SLX4IP: variants seen among roughly 807,000 people sequenced by gnomAD.
The protein encoded by SLX4IP is SLX4 interacting protein, also known as protein SLX4IP.
A neutral mutation model predicts 32.9 loss-of-function variants in SLX4IP; 34 were observed. That is an observed-to-expected ratio of 1.03 (90% CI 0.79 to 1.38). The LOEUF is 1.38. Ranked by LOEUF, SLX4IP falls within the 40% of genes most tolerant of loss-of-function variation. The probability of loss-of-function intolerance (pLI) is 0.00; values close to 1 mark genes in which losing one functional copy is unlikely to be tolerated. For synonymous variants in SLX4IP, 172 were observed against 171.7 expected, an observed-to-expected ratio of 1.00 and a Z score of -0.01; for missense variants, 444 against 479.0, an observed-to-expected ratio of 0.93 and a Z score of 0.68.
At chr20:10,451,336 T>A (rs1393353047) in intron 1 of SLX4IP, among the ~76,000 whole-genome samples, 1 of 151,980 alleles carries the variant, frequency 6.6e-6, no homozygotes, top group African/African-American at 2.4e-5. Flanking sequence ...AACTTTTGTA[T>A]TTTTAGTAGA....
Position 10,625,707 on chromosome 20 carries a change from A to T in SLX4IP, c.*2328A>T, listed in dbSNP as rs1158131125. The T allele has an allele frequency of 1.3e-5, 2 of 152,146 alleles. No homozygotes were observed. Among genetic ancestry groups the T allele is most frequent in the Non-Finnish European group, 2.9e-5 (2 of 68,028 alleles). 9.4% of individuals were successfully genotyped at this position (152,146 alleles called of 1,614,324 possible). On this transcript the variant is annotated 3_prime_UTR_variant, in exon 8 of 8. Transcript: ENST00000334534. ...AAATAGCACCTTTGGTTGTAGATAG[A>T]TGTAGTTTTCCTCACAGCCCTCACG...
chr20:10,541,781 A>C (rs1441466493), intron 2 of SLX4IP, among the ~76,000 whole-genome samples: 2 of 152,162 alleles, frequency 1.3e-5, no homozygotes, highest in African/African-American at 4.8e-5. Flanking sequence ...TTTCTTTTTG[A>C]ATTTAATCAT....
At chr20:10,543,532 G>A (rs1600983546) in intron 2 of SLX4IP, among the ~76,000 whole-genome samples, 1 of 152,198 alleles carries the variant, frequency 6.6e-6, no homozygotes, top group Admixed American at 6.5e-5. Context: ...ACTGAGCCCT[G>A]GACTCTCTAG....
intron 4 of SLX4IP, among the ~76,000 whole-genome samples, chr20:10,593,998 T>C (rs979354049): frequency 1.3e-5 from 2 of 152,230 alleles, no homozygotes; most frequent in African/African-American, 4.8e-5. Flanking sequence ...TCAGTTGTAA[T>C]AATAGTGTCG....
intron 6 of SLX4IP, among the ~76,000 whole-genome samples, chr20:10,603,727 C>T (rs998779891): frequency 6.6e-6 from 1 of 152,114 alleles, no homozygotes; most frequent in African/African-American, 2.4e-5. Flanking sequence ...AAGCTCTGTG[C>T]GTCCCTCTGC....
intron 1 of SLX4IP, among the ~76,000 whole-genome samples, chr20:10,436,444 C>T (rs376257024): frequency 1.8e-4 from 28 of 152,006 alleles, no homozygotes; most frequent in African/African-American, 6.3e-4. Context: ...GCCATCTCCG[C>T]CCCCCGGGTT....
intron 6 of SLX4IP, among the ~76,000 whole-genome samples, chr20:10,614,916 T>C (rs1467862546): frequency 6.6e-6 from 1 of 152,224 alleles, no homozygotes; most frequent in Non-Finnish European, 1.5e-5. Flanking sequence ...AGAAATAATG[T>C]AATCCAAGTT....
intron 2 of SLX4IP, among the ~76,000 whole-genome samples, chr20:10,497,119 A>G (rs2065674547): frequency 6.6e-6 from 1 of 152,142 alleles, no homozygotes; most frequent in Non-Finnish European, 1.5e-5. Context: ...ATTTTCTCCC[A>G]GTGATAAACA....
intron 4 of SLX4IP, among the ~76,000 whole-genome samples, chr20:10,573,590 G>A (rs565449524): frequency 6.6e-6 from 1 of 152,328 alleles, no homozygotes; most frequent in South Asian, 2.1e-4. Flanking sequence ...AGCAGACATG[G>A]AGGAGGACTA....
intron 3 of SLX4IP, among the ~76,000 whole-genome samples, chr20:10,557,535 G>A (rs983399792): frequency 2.0e-5 from 3 of 152,102 alleles, no homozygotes; most frequent in Non-Finnish European, 4.4e-5. Context: ...GCTTACTAAC[G>A]CATGTTGCTG....
At chr20:10,483,019 C>G (rs1237279710) in intron 2 of SLX4IP, among the ~76,000 whole-genome samples, 2 of 152,214 alleles carry the variant, frequency 1.3e-5, no homozygotes, top group Admixed American at 6.5e-5. Context: ...AGAGCATACA[C>G]TGTTCATGTT....
At chr20:10,571,979 A>T (rs1483870094) in intron 4 of SLX4IP, among the ~76,000 whole-genome samples, 1 of 152,246 alleles carries the variant, frequency 6.6e-6, no homozygotes, top group Non-Finnish European at 1.5e-5. Context: ...CCTTCCCTTC[A>T]GCCCCACCCC....
intron 4 of SLX4IP, among the ~76,000 whole-genome samples, chr20:10,571,686 T>C (rs1221159580): frequency 2.0e-5 from 3 of 152,208 alleles, no homozygotes; most frequent in African/African-American, 7.2e-5. Flanking sequence ...GACAGGAGTC[T>C]TGTCCTGTTC....
intron 4 of SLX4IP, among the ~76,000 whole-genome samples, chr20:10,587,723 A>G (rs1026112577): frequency 6.6e-5 from 10 of 152,206 alleles, no homozygotes; most frequent in Non-Finnish European, 1.2e-4. Flanking sequence ...TTCTTTGACA[A>G]GAGCACCAAA....
chr20:10,458,229 A>G lies in SLX4IP; in HGVS notation c.25A>G (p.Lys9Glu). 6.3e-7 allele frequency: 1 copy of G among 1,589,376 alleles called. No homozygotes were observed. The highest frequency in any genetic ancestry group is 8.5e-7 in the Non-Finnish European group (1 of 1,170,678). The change falls in exon 2 of 8, where the codon AAA (lysine) becomes GAA (glutamate). Residue 9 changes from lysine to glutamate, a missense_variant and splice_region_variant. By Grantham distance (56) the Lys-to-Glu change is moderately conservative. Transcript: ENST00000334534. ...CATGGCATCTAAGAAATTTGCTGTT[A>G]AAGTAAGTAATGTTTAATAGCTTTT... MASKKFAV[K>E]CGNFAVLVDL...
intron 2 of SLX4IP, among the ~76,000 whole-genome samples, chr20:10,486,819 G>A (rs2122389873): frequency 6.6e-6 from 1 of 152,178 alleles, no homozygotes; most frequent in Admixed American, 6.5e-5. Context: ...CCCTAGCAAA[G>A]ATTTCTTAGA....
chr20:10,585,821 C>T (rs113253648), intron 4 of SLX4IP, among the ~76,000 whole-genome samples: 3,731 of 152,180 alleles, frequency 0.025, 93 homozygotes, highest in Admixed American at 0.087. Context: ...GAACTCCTAA[C>T]CTCAGGTGAT....
chr20:10,467,154 G>GT (rs1419239530), intron 2 of SLX4IP, among the ~76,000 whole-genome samples: 1 of 152,160 alleles, frequency 6.6e-6, no homozygotes, highest in African/African-American at 2.4e-5. Context: ...TGTGTCCTAG[G>GT]TTTTTTCGTC....
At chr20:10,615,751 A>T (rs2122565393) in intron 6 of SLX4IP, among the ~76,000 whole-genome samples, 1 of 152,302 alleles carries the variant, frequency 6.6e-6, no homozygotes, top group East Asian at 1.9e-4. Flanking sequence ...TCTAAGATCA[A>T]ATCACCAGCA....
Sources: gnomAD v4.1 joint callset for allele counts (sites outside exome capture counted in the v4.1 genomes callset) on GRCh38, gnomAD v4.1.1 for gene constraint, MANE v1.5 for transcripts, NCBI Gene and HGNC (gene_info 2026-07-23, HGNC 2026-07-21) for gene names.